The following RCBTB2 variants were observed in gnomAD, a reference collection of about 807,000 sequenced individuals.
The protein encoded by RCBTB2 is RCC1 and BTB domain-containing protein 2.
RCBTB2 carries 55 observed loss-of-function variants against 65.4 expected under a neutral mutation model. The observed-to-expected ratio is 0.84, with a 90% confidence interval of 0.68 to 1.05. The LOEUF (loss-of-function observed/expected upper bound fraction) is 1.05, where lower values mean the gene tolerates loss of function less well. Ranked by LOEUF, RCBTB2 falls within the 50% of genes least tolerant of loss-of-function variation. The probability of loss-of-function intolerance (pLI) is 0.00; values close to 1 mark genes in which losing one functional copy is unlikely to be tolerated. For missense variants in RCBTB2, 599 were observed against 680.1 expected (o/e 0.88, Z 1.33); for synonymous variants, 220 against 255.2 (o/e 0.86, Z 1.31).
rs190738449 is a variant in RCBTB2, at chr13:48,528,512, G to A, written c.-218-3755C>T. Among the ~76,000 whole-genome samples the A allele has an allele frequency of 2.2e-4, 34 of 152,096 alleles. 1 individual carries two copies. The East Asian group carries it at 5.6e-3, about 25-fold the overall frequency. On this transcript the variant is annotated intron_variant, in intron 1 of 14. Transcript: ENST00000344532. ...AAGAAACAGGAAATTAAATAATATC[G>A]ATATCTTTTAGGGTACCAGCATGCA...
intron 6 of RCBTB2, among the ~76,000 whole-genome samples, chr13:48,514,769 A>G (rs1283759051): frequency 6.6e-6 from 1 of 152,210 alleles, no homozygotes; most frequent in Non-Finnish European, 1.5e-5. Context: ...CTTCACTCAG[A>G]GCAAGGAATT....
intron 14 of RCBTB2, among the ~76,000 whole-genome samples, chr13:48,495,552 GTGCAAATCCA>G (rs1949931328): frequency 6.6e-6 from 1 of 152,162 alleles, no homozygotes; most frequent in Non-Finnish European, 1.5e-5. Context: ...CTAAGTCTTT[GTGCAAATCCA>G]TGATTAATTC....
chr13:48,529,966 C>G (rs1460786515), intron 1 of RCBTB2, among the ~76,000 whole-genome samples: 2 of 152,164 alleles, frequency 1.3e-5, no homozygotes, highest in Non-Finnish European at 1.5e-5. Flanking sequence ...TCATGACTCA[C>G]TGCAGCCTCA....
At chr13:48,533,974 A>T (rs1332539807), upstream of RCBTB2, among the ~76,000 whole-genome samples, 1 of 152,242 alleles carries the variant, frequency 6.6e-6, no homozygotes, top group Non-Finnish European at 1.5e-5. Context: ...TCCAAACCAC[A>T]GTGACCGTGT....
Position 48,498,062 on chromosome 13 carries a change from A to C in RCBTB2, c.1384+1559T>G, listed in dbSNP as rs374863544. On this transcript the variant is annotated intron_variant, in intron 13 of 14. Transcript: ENST00000344532. ...TGGCCTTGAGGCCACATGTGTGGGT[A>C]TTTCCTCCCTTAGACCCCACCACCA... 3.3e-5 allele frequency among the ~76,000 whole-genome samples: 5 copies of C among 152,272 alleles called. No individual in the cohort carries two copies. The East Asian group carries it at 9.7e-4, about 29-fold the overall frequency.
intron 10 of RCBTB2, among the ~76,000 whole-genome samples, chr13:48,505,233 G>A (rs1402920162): frequency 2.0e-5 from 3 of 152,152 alleles, no homozygotes; most frequent in African/African-American, 4.8e-5. Flanking sequence ...GTGATAAAAT[G>A]TTAAGTGCCA....
intron 10 of RCBTB2, among the ~76,000 whole-genome samples, chr13:48,509,582 A>C (rs1409425657): frequency 6.6e-6 from 1 of 152,076 alleles, no homozygotes; most frequent in Non-Finnish European, 1.5e-5. Flanking sequence ...CCTCCTCCCA[A>C]TTCTGAAGGG....
intron 13 of RCBTB2, 119 bp from the exon 14 acceptor site, chr13:48,496,440 C>A: frequency 1.0e-6 from 1 of 963,954 alleles, no homozygotes; most frequent in Non-Finnish European, 1.4e-6. Context: ...CAGTGAAGCA[C>A]TGCATAGACT....
At chr13:48,500,694 G>A (rs1417390028) in intron 12 of RCBTB2, among the ~76,000 whole-genome samples, 1 of 152,178 alleles carries the variant, frequency 6.6e-6, no homozygotes, top group African/African-American at 2.4e-5. Context: ...CTAGGAAAGA[G>A]GCAGGAACAG....
At chr13:48,514,439 A>G (rs1950973739) in intron 6 of RCBTB2, among the ~76,000 whole-genome samples, 3 of 152,260 alleles carry the variant, frequency 2.0e-5, no homozygotes, top group Admixed American at 2.0e-4. Flanking sequence ...AACTGCAGGT[A>G]ACTGAAACTT....
chr13:48,497,612 T>C (rs938824555), intron 13 of RCBTB2, among the ~76,000 whole-genome samples: 5 of 152,236 alleles, frequency 3.3e-5, no homozygotes, highest in Non-Finnish European at 7.3e-5. Flanking sequence ...AACACTGTCA[T>C]GTCCACCTCA....
chr13:48,497,659 C>T (rs1045048314), intron 13 of RCBTB2, among the ~76,000 whole-genome samples: 5 of 152,066 alleles, frequency 3.3e-5, no homozygotes, highest in African/African-American at 7.2e-5. Context: ...ATAGAGTGTA[C>T]GAAGTATAAA....
chr13:48,527,341 T>TATATATATATGATATATATTTATATATG (rs1951822950), intron 1 of RCBTB2, among the ~76,000 whole-genome samples: 1 of 124,168 alleles, frequency 8.1e-6, no homozygotes. Flanking sequence ...ATATATGATA[T>TATATATATATGATATATATTTATATATG]ATATATATAT....
intron 14 of RCBTB2, among the ~76,000 whole-genome samples, 155 bp downstream of exon 14, chr13:48,496,036 C>CTAGACAACG: frequency 6.6e-6 from 1 of 152,140 alleles, no homozygotes; most frequent in Non-Finnish European, 1.5e-5. Context: ...TATATAAATA[C>CTAGACAACG]TTGCTTATAC....
chr13:48,512,653 T>C, intron 7 of RCBTB2, 76 bp downstream of exon 7: 1 of 1,188,308 alleles, frequency 8.4e-7, no homozygotes, highest in Non-Finnish European at 1.2e-6. Context: ...CAAATGATTG[T>C]ATTTCCAGGA....
intron 13 of RCBTB2, among the ~76,000 whole-genome samples, chr13:48,499,142 A>ACCCTCTCT (rs1366425462): frequency 7.6e-6 from 1 of 132,290 alleles, no homozygotes; most frequent in African/African-American, 2.9e-5. Flanking sequence ...ACACACACAC[A>ACCCTCTCT]CTCTCTCTCT....
chr13:48,518,144 T>C (rs1194259225), intron 4 of RCBTB2, among the ~76,000 whole-genome samples: 1 of 152,168 alleles, frequency 6.6e-6, no homozygotes, highest in African/African-American at 2.4e-5. Context: ...TCCAGAACTG[T>C]GAGAAAAGAA....
At chr13:48,515,121 G>T (rs1951011469) in intron 6 of RCBTB2, 84 bp downstream of exon 6, 1 of 1,240,656 alleles carries the variant, frequency 8.1e-7, no homozygotes, top group Non-Finnish European at 1.1e-6. Flanking sequence ...CACAGGAAGA[G>T]CTAGCAACTC....
At chr13:48,506,471 CCAAG>C (rs1218092299) in intron 10 of RCBTB2, among the ~76,000 whole-genome samples, 3 of 152,098 alleles carry the variant, frequency 2.0e-5, no homozygotes, top group Non-Finnish European at 2.9e-5. Flanking sequence ...GGAGGCCAAC[CCAAG>C]CTAGGTTGCC....
Sources: gnomAD v4.1 joint callset for allele counts (sites outside exome capture counted in the v4.1 genomes callset) on GRCh38, gnomAD v4.1.1 for gene constraint, MANE v1.5 for transcripts, NCBI Gene and HGNC (gene_info 2026-07-23, HGNC 2026-07-21) for gene names.